ABCC1: variants seen among roughly 807,000 people sequenced by gnomAD.
ABCC1 encodes ATP binding cassette subfamily C member 1 (ABCC1 blood group).
Under a neutral mutation model 172.9 loss-of-function variants are expected in ABCC1, and 83 were observed. That is an observed-to-expected ratio of 0.48 (90% CI 0.40 to 0.58). The LOEUF is 0.58. Among genes scored for constraint, ABCC1 ranks in the 20% least tolerant of loss-of-function variants. ABCC1 has a pLI of 0.00. For synonymous variants in ABCC1, 937 were observed against 825.2 expected, an observed-to-expected ratio of 1.14 and a Z score of -2.32; for missense variants, 1,817 against 2,002.7, an observed-to-expected ratio of 0.91 and a Z score of 1.77.
At chr16:15,979,288 T>TCAAA (rs751137467) in intron 1 of ABCC1, among the ~76,000 whole-genome samples, 115 of 151,942 alleles carry the variant, frequency 7.6e-4, no homozygotes, top group African/African-American at 1.8e-3. Context: ...AGACTCTGTC[T>TCAAA]CAAACAAACA....
At chr16:16,124,411 ATG>A (rs980164516) in intron 24 of ABCC1, among the ~76,000 whole-genome samples, 5 of 55,680 alleles carry the variant, frequency 9.0e-5, no homozygotes, top group Admixed American at 2.1e-4. Flanking sequence ...GTGTGTGTGT[ATG>A]TGTGTGTGTG....
At chr16:16,051,052 A>G (rs1372864868) in intron 10 of ABCC1, among the ~76,000 whole-genome samples, 1 of 152,118 alleles carries the variant, frequency 6.6e-6, no homozygotes, top group Non-Finnish European at 1.5e-5. Flanking sequence ...CGTTAAGAAA[A>G]TTGTCTAACA....
chr16:15,966,771 C>T (rs1410676268), intron 1 of ABCC1, among the ~76,000 whole-genome samples: 1 of 151,880 alleles, frequency 6.6e-6, no homozygotes, highest in Non-Finnish European at 1.5e-5. Flanking sequence ...CTGCCTTACC[C>T]TCCCGAGTGT....
intron 1 of ABCC1, among the ~76,000 whole-genome samples, chr16:15,956,627 G>T (rs2046003895): frequency 6.6e-6 from 1 of 152,252 alleles, no homozygotes; most frequent in South Asian, 2.1e-4. Context: ...GTGAGCCACT[G>T]CACTTGGCCT....
chr16:15,984,475 G>A (rs992180333), intron 1 of ABCC1, among the ~76,000 whole-genome samples: 1 of 143,188 alleles, frequency 7.0e-6, no homozygotes. Flanking sequence ...ATAGAGTCTC[G>A]CCCTGTCAAC....
intron 11 of ABCC1, among the ~76,000 whole-genome samples, chr16:16,055,654 A>G (rs542281776): frequency 6.6e-6 from 1 of 152,116 alleles, no homozygotes; most frequent in African/African-American, 2.4e-5. Context: ...TTTTCTGTAC[A>G]CCTGAAGGGT....
In ABCC1 at chr16:16,142,910, T is replaced by C. The variant is rs1356153221; in HGVS notation, c.*1629T>C. Reference sequence around the variant, plus strand: ...CGACTTCAAACCCAGAGAGCATCTTTCTTTTAGGCGAAAACGCATATATTT... The same window carrying C: ...CGACTTCAAACCCAGAGAGCATCTTCCTTTTAGGCGAAAACGCATATATTT... On this transcript the variant is annotated 3_prime_UTR_variant, in exon 31 of 31. Coordinates refer to ENST00000399410, the MANE Select transcript of ABCC1 (RefSeq NM_004996.4). The C allele has an allele frequency of 6.6e-6, 1 of 152,644 alleles. No homozygotes were observed. The highest frequency in any genetic ancestry group is 2.4e-5 in the African/African-American group (1 of 41,456). 9.5% of individuals were successfully genotyped at this position (152,644 alleles called of 1,614,324 possible). A position where few individuals can be genotyped will look rare whatever the true frequency, so the allele number is the denominator to read the frequency against.
intron 1 of ABCC1, among the ~76,000 whole-genome samples, chr16:15,976,871 C>G (rs1023055670): frequency 6.6e-6 from 1 of 152,124 alleles, no homozygotes; most frequent in Non-Finnish European, 1.5e-5. Flanking sequence ...TGGGTGGCTT[C>G]CCCCAGGCCA....
At chr16:15,954,354 C>T (rs1395084331) in intron 1 of ABCC1, among the ~76,000 whole-genome samples, 3 of 152,034 alleles carry the variant, frequency 2.0e-5, no homozygotes, top group Non-Finnish European at 4.4e-5. Flanking sequence ...TTGGCTGCCC[C>T]TCCTTCCAGA....
In ABCC1 at chr16:16,053,774, C is replaced by CAAAAAAA. The variant is rs10526186; in HGVS notation, c.1473+992_1473+998dup. On this transcript the variant is annotated intron_variant, in intron 11 of 30. Transcript: ENST00000399410. ...TGCACAACAGAGTGAGACCCTGTCT[C>CAAAAAAA]AAAAAAAAAAAAAAAAAAAAAAAAA... Among the ~76,000 whole-genome samples the CAAAAAAA allele has an allele frequency of 8.0e-4, 29 of 36,218 alleles. 1 individual carries two copies. The highest frequency in any genetic ancestry group is 1.4e-3 in the Non-Finnish European group (19 of 14,012). The allele number at this position is 36,218 out of a possible 152,430, so 23.8% of individuals were successfully genotyped here. A position where few individuals can be genotyped will look rare whatever the true frequency, so the allele number is the denominator to read the frequency against.
At chr16:16,012,470 G>A (rs945576242) in intron 3 of ABCC1, among the ~76,000 whole-genome samples, 1 of 146,872 alleles carries the variant, frequency 6.8e-6, no homozygotes, top group Admixed American at 7.0e-5. Context: ...TTCTGGCAGT[G>A]GGGTATTAGA....
At chr16:16,133,306 G>A (rs1039489953) in intron 27 of ABCC1, among the ~76,000 whole-genome samples, 1 of 152,174 alleles carries the variant, frequency 6.6e-6, no homozygotes, top group Non-Finnish European at 1.5e-5. Flanking sequence ...AGAACATTCT[G>A]TTCCCAGCAG....
intron 9 of ABCC1, among the ~76,000 whole-genome samples, chr16:16,047,534 G>A (rs1327402252): frequency 6.6e-6 from 1 of 152,102 alleles, no homozygotes; most frequent in Non-Finnish European, 1.5e-5. Context: ...TCCCCCACCA[G>A]GGCACGTTTG....
Position 16,007,949 on chromosome 16 carries a change from A to C in ABCC1, c.182A>C (p.Asp61Ala). ...TACTTCCTCTATCTCTCCCGACATG[A>C]CCGAGGCTACATTCAGATGACACCT... ...PFYFLYLSRH[D>A]RGYIQMTPLN... Residue 61 changes from aspartate (D) to alanine (A), a missense_variant, in exon 2 of 31, where the codon GAC (aspartate) becomes GCC (alanine). Coordinates refer to ENST00000399410, the MANE Select transcript of ABCC1 (RefSeq NM_004996.4). 1 of 1,575,444 alleles carries C rather than the reference A, an allele frequency of 6.3e-7. No individual in the cohort carries two copies.
At chr16:16,031,204 G>A (rs888024701) in intron 5 of ABCC1, among the ~76,000 whole-genome samples, 47 of 152,296 alleles carry the variant, frequency 3.1e-4, no homozygotes, top group African/African-American at 1.1e-3. Flanking sequence ...ACCACTGGAC[G>A]AGAGTATGCC....
intron 7 of ABCC1, among the ~76,000 whole-genome samples, chr16:16,038,464 A>G (rs976074623): frequency 6.6e-6 from 1 of 152,128 alleles, no homozygotes; most frequent in Non-Finnish European, 1.5e-5. Flanking sequence ...AGAGGATGAC[A>G]TCCTGGCTGC....
chr16:16,122,892 C>T (rs1237655657), intron 24 of ABCC1, among the ~76,000 whole-genome samples: 1 of 151,532 alleles, frequency 6.6e-6, no homozygotes, highest in Non-Finnish European at 1.5e-5. Flanking sequence ...TCTGGAAAAA[C>T]AAAAAAAGGA....
chr16:16,021,528 C>A (rs558182740), intron 5 of ABCC1, among the ~76,000 whole-genome samples: 1 of 152,108 alleles, frequency 6.6e-6, no homozygotes, highest in South Asian at 2.1e-4. Flanking sequence ...ACCAGCCTGA[C>A]CAACATGGTG....
intron 28 of ABCC1, among the ~76,000 whole-genome samples, chr16:16,135,667 G>C (rs1364267405): frequency 1.3e-5 from 2 of 152,114 alleles, no homozygotes; most frequent in African/African-American, 4.8e-5. Flanking sequence ...TGTTACCCAG[G>C]CTGGTCTCAA....
Sources: gnomAD v4.1 joint callset for allele counts (sites outside exome capture counted in the v4.1 genomes callset) on GRCh38, gnomAD v4.1.1 for gene constraint, MANE v1.5 for transcripts, NCBI Gene and HGNC (gene_info 2026-07-23, HGNC 2026-07-21) for gene names.